The following NUP205 variants were observed in gnomAD, a reference collection of about 807,000 sequenced individuals.
The protein encoded by NUP205 is nucleoporin 205.
Under a neutral mutation model 253.8 loss-of-function variants are expected in NUP205, and 76 were observed. The ratio of observed to expected loss-of-function variants is 0.30; its 90% CI spans 0.25 to 0.36. NUP205 has a LOEUF of 0.36. NUP205 is among the 10% of genes least tolerant of loss of function. NUP205 has a pLI of 1.00. For synonymous variants in NUP205, 832 were observed against 850.1 expected, an observed-to-expected ratio of 0.98 and a Z score of 0.37; for missense variants, 2,162 against 2,425.5, an observed-to-expected ratio of 0.89 and a Z score of 2.28.
chr7:135,608,369 C>G (rs1473368274), intron 22 of NUP205, among the ~76,000 whole-genome samples: 1 of 151,970 alleles, frequency 6.6e-6, no homozygotes, highest in African/African-American at 2.4e-5. Context: ...GTCCTGTATA[C>G]AACTATGTTA....
At chr7:135,606,000 A>T in intron 19 of NUP205, 145 bp from the exon 20 acceptor site, 1 of 566,166 alleles carries the variant, frequency 1.8e-6, no homozygotes, top group South Asian at 2.7e-5. Context: ...TGAGTTTTCT[A>T]TTAAAAATGT....
intron 1 of NUP205, among the ~76,000 whole-genome samples, chr7:135,570,087 A>G (rs1321280030): frequency 1.3e-5 from 2 of 149,104 alleles, no homozygotes; most frequent in East Asian, 1.9e-4. Context: ...AGAGAGAGAG[A>G]GAGAGAGAAA....
intron 34 of NUP205, among the ~76,000 whole-genome samples, chr7:135,629,544 T>TG (rs1794665931): frequency 7.1e-6 from 1 of 141,562 alleles, no homozygotes; most frequent in Non-Finnish European, 1.5e-5. Context: ...TTTTTTTTTT[T>TG]GAGACAGAGT....
chr7:135,597,230 TA>T, intron 13 of NUP205, 137 bp from the exon 14 acceptor site: 1 of 579,414 alleles, frequency 1.7e-6, no homozygotes, highest in Non-Finnish European at 3.2e-6. Flanking sequence ...ATCCAGGGAC[TA>T]ATTGATTGTC....
intron 8 of NUP205, among the ~76,000 whole-genome samples, chr7:135,586,142 G>A (rs566014748): frequency 8.4e-6 from 1 of 119,434 alleles, no homozygotes; most frequent in South Asian, 2.9e-4. Flanking sequence ...GTTTTTAAAA[G>A]CACCCTGAAA....
intron 42 of NUP205, 55 bp from the exon 43 acceptor site, chr7:135,648,349 A>G (rs930602823): frequency 2.1e-6 from 3 of 1,432,540 alleles, no homozygotes; most frequent in Non-Finnish European, 2.8e-6. Context: ...GACTTAGAAT[A>G]AAAGAAATAT....
chr7:135,646,778 A>G (rs2129492729), intron 42 of NUP205, among the ~76,000 whole-genome samples: 1 of 152,346 alleles, frequency 6.6e-6, no homozygotes, highest in East Asian at 1.9e-4. Context: ...CAATTGCTTC[A>G]TCTAAGAAAT....
chr7:135,606,700 A>G (rs1794092299), intron 20 of NUP205, 51 bp from the exon 21 acceptor site: 1 of 1,434,964 alleles, frequency 7.0e-7, no homozygotes, highest in South Asian at 1.2e-5. Flanking sequence ...TATTTGACTT[A>G]CGTTAACTTT....
At chr7:135,594,851 T>TA (rs1350648082) in intron 13 of NUP205, 122 bp downstream of exon 13, 1 of 738,146 alleles carries the variant, frequency 1.4e-6, no homozygotes, top group Non-Finnish European at 2.2e-6. Flanking sequence ...CAACTAGAGT[T>TA]ACGGTTTAGG....
At position 135,578,019 on chromosome 7, in the gene NUP205, G is replaced by A. The variant is rs563076755; in HGVS notation, c.872G>A (p.Arg291Gln). Residue 291 changes from arginine to glutamine, a missense_variant, in exon 6 of 43, where the codon CGA (arginine) becomes CAA (glutamine). Around this residue, in one of 5 missense-constraint regions of NUP205, gnomAD observed 892 missense variants for 957.1 expected, o/e 0.93. Coordinates refer to ENST00000285968, the MANE Select transcript of NUP205 (RefSeq NM_015135.3). ...TTTATAGAGCAAAGCACAGAGGAAC[G>A]AGATGGTATTGAGTTTTATACATTT... Reference protein sequence around the residue: ...ISFIEQSTEERDDMIHQLPLL... With the variant: ...ISFIEQSTEEQDDMIHQLPLL... 5.1e-5 allele frequency: 82 copies of A among 1,604,798 alleles called. No individual in the cohort carries two copies. The highest frequency in any genetic ancestry group is 6.2e-5 in the Non-Finnish European group (73 of 1,171,724).
chr7:135,634,523 C>T (rs1158482954), intron 35 of NUP205, among the ~76,000 whole-genome samples: 1 of 152,144 alleles, frequency 6.6e-6, no homozygotes, highest in Non-Finnish European at 1.5e-5. Context: ...ATTATGAATA[C>T]AAGCAGCAAC....
chr7:135,631,832 C>G (rs1794720669), intron 35 of NUP205, among the ~76,000 whole-genome samples: 1 of 151,020 alleles, frequency 6.6e-6, no homozygotes, highest in South Asian at 2.1e-4. Context: ...TCACTGCAAG[C>G]TCCGCCTCCC....
intron 11 of NUP205, 75 bp downstream of exon 11, chr7:135,591,675 A>G (rs1281322232): frequency 1.5e-6 from 2 of 1,352,594 alleles, no homozygotes; most frequent in East Asian, 2.3e-5. Context: ...CCTATTAAGA[A>G]CATTGGTGTT....
intron 38 of NUP205, among the ~76,000 whole-genome samples, chr7:135,641,640 C>T (rs577363394): frequency 6.6e-4 from 92 of 140,228 alleles, no homozygotes; most frequent in Non-Finnish European, 1.3e-3. Flanking sequence ...GGTGTGGTGG[C>T]GTGCACCTTT....
chr7:135,598,454 AGTTT>A (rs914029036), intron 15 of NUP205, among the ~76,000 whole-genome samples: 2 of 152,214 alleles, frequency 1.3e-5, no homozygotes, highest in African/African-American at 2.4e-5. Context: ...TCATATCCTT[AGTTT>A]AACAAGTTTT....
rs1806509202 is a variant in NUP205 at position 135,587,704 on chromosome 7, A to G, written c.1335+13A>G. ...CTTAATGCTTTTGGTAAGCCATTAT[A>G]TTAGAAAGCTTGTCCTCTTTCCCTC... On this transcript the variant is annotated intron_variant, in intron 9 of 42. Transcript: ENST00000285968. 2 of 1,566,964 alleles carry G rather than the reference A, an allele frequency of 1.3e-6. No homozygotes were observed. The highest frequency in any genetic ancestry group is 1.2e-5 in the South Asian group (1 of 85,934).
intron 30 of NUP205, among the ~76,000 whole-genome samples, chr7:135,621,340 G>A (rs1169192340): frequency 6.7e-6 from 1 of 148,166 alleles, no homozygotes; most frequent in Non-Finnish European, 1.5e-5. Context: ...AAAAGAGATA[G>A]TAATGGGATT....
chr7:135,569,990 A>G (rs1037790410), intron 1 of NUP205, among the ~76,000 whole-genome samples: 3 of 141,870 alleles, frequency 2.1e-5, no homozygotes, highest in African/African-American at 5.5e-5. Context: ...ATCTCATTTG[A>G]AAAACTTACA....
Position 135,618,532 on chromosome 7 carries a change from C to G in NUP205, c.3892C>G (p.Pro1298Ala). The change falls in exon 28 of 43, where the codon CCC becomes GCC. Residue 1298 changes from proline (P) to alanine (A), a missense_variant. Pro to Ala is a conservative substitution (Grantham distance 27). Transcript: ENST00000285968. ...QLVEIILTAC[P>A]QDLIQAEDRQ... Reference sequence around the variant, plus strand: ...AGTAGAAATTATACTGACAGCTTGTCCCCAGGACCTCATTCAGGCAGAGGA... The same window carrying G: ...AGTAGAAATTATACTGACAGCTTGTGCCCAGGACCTCATTCAGGCAGAGGA... 1 of 1,613,768 alleles carries G rather than the reference C, an allele frequency of 6.2e-7. No individual in the cohort carries two copies. Among genetic ancestry groups the G allele is most frequent in the Non-Finnish European group, 8.5e-7 (1 of 1,179,860 alleles).
Sources: allele counts gnomAD v4.1 joint callset (sites outside exome capture counted in the v4.1 genomes callset), GRCh38; gene constraint gnomAD v4.1.1; regional missense constraint gnomAD v4.1.1; transcripts MANE v1.5; gene names NCBI Gene and HGNC (gene_info 2026-07-23, HGNC 2026-07-21).